PARVB: variants seen among roughly 807,000 people sequenced by gnomAD.
The protein encoded by PARVB is parvin beta, also known as beta-parvin.
In PARVB, 46 loss-of-function variants were observed where a neutral mutation model predicts 47.0. The observed-to-expected ratio is 0.98, with a 90% CI of 0.77 to 1.25. The LOEUF (loss-of-function observed/expected upper bound fraction) is 1.25. Among genes scored for constraint, PARVB ranks in the 50% most tolerant of loss-of-function variants. The pLI is 0.00. For missense variants in PARVB, 473 were observed against 471.6 expected, an observed-to-expected ratio of 1.00 and a Z score of -0.03; for synonymous variants, 196 against 196.3, an observed-to-expected ratio of 1.00 and a Z score of 0.01.
rs6006671 is a variant in PARVB, at chr22:44,131,331, G to T, written c.377-156G>T. Among the ~76,000 whole-genome samples the T allele has an allele frequency of 0.27, 41,249 of 151,336 alleles. 5,933 individuals carry two copies. Among genetic ancestry groups the T allele is most frequent in the East Asian group, 0.58 (2,950 of 5,052 alleles). On this transcript the variant is annotated intron_variant, in intron 4 of 12. Coordinates refer to ENST00000338758, the MANE Select transcript of PARVB (RefSeq NM_013327.5). ...TAATTTTTATATTTTTAGTAGAGAC[G>T]GGATTTCACCATATTTGCCAGGCTG...
intron 4 of PARVB, 149 bp from the exon 5 acceptor site, chr22:44,131,338 C>T (rs1453745965): frequency 1.4e-6 from 1 of 712,468 alleles, no homozygotes; most frequent in Non-Finnish European, 2.3e-6. Context: ...GACGGGATTT[C>T]ACCATATTTG....
intron 3 of PARVB, among the ~76,000 whole-genome samples, chr22:44,118,284 G>A (rs74798067): frequency 0.023 from 3,445 of 152,340 alleles, 121 homozygotes; most frequent in African/African-American, 0.073. Context: ...AACATGCTCA[G>A]TGAAAGAAGC....
intron 1 of PARVB, 66 bp from the exon 2 acceptor site, chr22:44,093,862 G>T: frequency 1.0e-6 from 1 of 954,318 alleles, no homozygotes; most frequent in Non-Finnish European, 1.6e-6. Flanking sequence ...TGCGTCCACA[G>T]CCAACATGTG....
intron 9 of PARVB, chr22:44,148,953 A>C (rs2053744561): frequency 6.6e-6 from 1 of 152,214 alleles, no homozygotes; most frequent in Admixed American, 6.5e-5. Context: ...TACTTGGAGC[A>C]TCAGAGTCCC....
chr22:44,147,568 A>C, intron 8 of PARVB: 2 of 529,460 alleles, frequency 3.8e-6, no homozygotes, highest in Admixed American at 4.7e-5. Flanking sequence ...CAGATGCCAG[A>C]TGCCATCTAT....
chr22:44,027,771 G>A (rs2050754740), intron 1 of PARVB, among the ~76,000 whole-genome samples: 1 of 151,938 alleles, frequency 6.6e-6, no homozygotes, highest in African/African-American at 2.4e-5. Flanking sequence ...GGTGGCGTGT[G>A]CCTGTAATCC....
At chr22:44,021,328 A>G (rs2050645641), upstream of PARVB, among the ~76,000 whole-genome samples, 1 of 152,164 alleles carries the variant, frequency 6.6e-6, no homozygotes, top group Non-Finnish European at 1.5e-5. Flanking sequence ...GGCCAGCTCC[A>G]AGATGGAAAG....
chr22:44,123,629 G>A (rs1479747966), intron 4 of PARVB, among the ~76,000 whole-genome samples: 1 of 152,184 alleles, frequency 6.6e-6, no homozygotes, highest in Non-Finnish European at 1.5e-5. Flanking sequence ...TGCCCAGGCT[G>A]ATCTTGAACT....
intron 10 of PARVB, among the ~76,000 whole-genome samples, chr22:44,154,534 G>GTGTGT (rs1569158800): frequency 8.7e-4 from 126 of 145,014 alleles, no homozygotes; most frequent in African/African-American, 3.2e-3. Context: ...TAGTCTGGTG[G>GTGTGT]GTGTGTGTGT....
intron 1 of PARVB, among the ~76,000 whole-genome samples, chr22:44,036,317 T>G (rs1200348608): frequency 2.0e-5 from 3 of 152,190 alleles, no homozygotes; most frequent in Non-Finnish European, 4.4e-5. Flanking sequence ...TTACATTTGT[T>G]TACATTTCTC....
At chr22:44,010,557 T>G (rs969835327) in intron 2 of PARVB, 1 of 152,232 alleles carries the variant, frequency 6.6e-6, no homozygotes, top group Non-Finnish European at 1.5e-5. Flanking sequence ...AGTACTGTGC[T>G]GATGCATTCC....
Position 44,059,847 on chromosome 22 carries a change from G to A in PARVB, c.113-34081G>A, listed in dbSNP as rs367673291. On this transcript the variant is annotated intron_variant, in intron 1 of 12. Coordinates refer to ENST00000338758, the MANE Select transcript of PARVB (RefSeq NM_013327.5). Reference sequence around the variant, plus strand: ...CATTTGGTTTTAAACAGCACTCGTCGTCTTTGGCGGGGCGTGTTTGCTCAG... The same window carrying A: ...CATTTGGTTTTAAACAGCACTCGTCATCTTTGGCGGGGCGTGTTTGCTCAG... Among the ~76,000 whole-genome samples the A allele has an allele frequency of 6.6e-5, 10 of 152,286 alleles. No homozygotes were observed. The East Asian group carries it at 7.7e-4, about 12-fold the overall frequency.
In PARVB at chr22:44,049,147, A is replaced by C. The variant is rs1268618864; in HGVS notation, c.112+24696A>C. ...GCAAAATGAGATGAAAATGAGTCTCATTTTACGATGAGGAAACTGAGGCCC... is the reference window on the plus strand; with the variant it reads ...GCAAAATGAGATGAAAATGAGTCTCCTTTTACGATGAGGAAACTGAGGCCC... On this transcript the variant is annotated intron_variant, in intron 1 of 12. Transcript: ENST00000338758. The surrounding 1 kb of genome is among the most constrained non-coding windows in gnomAD (Gnocchi z 4.0). Among the ~76,000 whole-genome samples, 1 of 152,082 alleles carries C rather than the reference A, an allele frequency of 6.6e-6. No homozygotes were observed. The highest frequency in any genetic ancestry group is 2.4e-5 in the African/African-American group (1 of 41,394).
chr22:44,157,964 A>T lies in PARVB; in HGVS notation c.844-18A>T. On this transcript the variant is annotated intron_variant, in intron 10 of 12. Coordinates refer to ENST00000338758, the MANE Select transcript of PARVB (RefSeq NM_013327.5). Reference sequence around the variant, plus strand: ...ACTCCTTACCCTGCCCGGAAACATCACAAGTCTTTCTCTGCAGTTTGCAGA... The same window carrying T: ...ACTCCTTACCCTGCCCGGAAACATCTCAAGTCTTTCTCTGCAGTTTGCAGA... 1 of 1,589,248 alleles carries T rather than the reference A, an allele frequency of 6.3e-7. No homozygotes were observed. Among genetic ancestry groups the T allele is most frequent in the Non-Finnish European group, 8.6e-7 (1 of 1,157,902 alleles).
intron 2 of PARVB, among the ~76,000 whole-genome samples, chr22:44,096,196 G>C (rs1237352392): frequency 6.6e-6 from 1 of 152,192 alleles, no homozygotes; most frequent in East Asian, 1.9e-4. Context: ...CTGCGCTCCA[G>C]CCTGGGCAAC....
At chr22:44,142,507 TA>T (rs1316231071) in intron 8 of PARVB, 2 of 151,704 alleles carry the variant, frequency 1.3e-5, no homozygotes, top group African/African-American at 2.4e-5. Context: ...GTTGGAGGTT[TA>T]GGGAAAAGAC....
chr22:44,168,396 C>A (rs1207552325), intron 12 of PARVB: 3 of 542,494 alleles, frequency 5.5e-6, no homozygotes, highest in African/African-American at 1.9e-5. Context: ...AGGGTGTCAG[C>A]CCGCGCCAGG....
intron 1 of PARVB, among the ~76,000 whole-genome samples, chr22:44,037,255 T>C (rs1397616370): frequency 6.6e-6 from 1 of 151,824 alleles, no homozygotes; most frequent in African/African-American, 2.4e-5. Context: ...AAACCTTGTC[T>C]CTACCAAAAA....
At chr22:44,091,718 AT>A (rs2052171861) in intron 1 of PARVB, among the ~76,000 whole-genome samples, 1 of 152,136 alleles carries the variant, frequency 6.6e-6, no homozygotes. Context: ...TTACTCATTC[AT>A]CTGGTGTTCT....
Sources: allele counts gnomAD v4.1 joint callset (sites outside exome capture counted in the v4.1 genomes callset), GRCh38; gene constraint gnomAD v4.1.1; non-coding constraint Gnocchi (gnomAD v3.1); transcripts MANE v1.5; gene names NCBI Gene and HGNC (gene_info 2026-07-23, HGNC 2026-07-21).